The following SLC9B2 variants were observed in gnomAD, a reference collection of about 807,000 sequenced individuals.
SLC9B2 encodes sodium/hydrogen exchanger 9B2.
A neutral mutation model predicts 52.2 loss-of-function variants in SLC9B2; 39 were observed. The ratio of observed to expected loss-of-function variants is 0.75; its 90% CI spans 0.58 to 0.98. The LOEUF (loss-of-function observed/expected upper bound fraction) is 0.98, where lower values mean the gene tolerates loss of function less well. Ranked by LOEUF, SLC9B2 falls within the 50% of genes least tolerant of loss-of-function variation. SLC9B2 has a pLI of 0.00. For synonymous variants in SLC9B2, 214 were observed against 227.0 expected (o/e 0.94, Z 0.51); for missense variants, 626 against 637.5 (o/e 0.98, Z 0.19).
Position 103,047,130 on chromosome 4 carries a change from C to G in SLC9B2, c.810G>C (p.Leu270Phe). 1 of 1,614,022 alleles carries G rather than the reference C, an allele frequency of 6.2e-7. No individual in the cohort carries two copies. Among genetic ancestry groups the G allele is most frequent in the Non-Finnish European group, 8.5e-7 (1 of 1,179,944 alleles). Residue 270 changes from leucine to phenylalanine, a missense_variant, in exon 7 of 12, where the codon TTG (leucine) becomes TTC (phenylalanine). Coordinates refer to ENST00000394785, the MANE Select transcript of SLC9B2 (RefSeq NM_178833.7). ...CATCGAAGCTGCCAGCTGCCATGAGCAAGGTTGGGACACCCTTCTCAACAC... is the reference window on the plus strand; with the variant it reads ...CATCGAAGCTGCCAGCTGCCATGAGGAAGGTTGGGACACCCTTCTCAACAC... Reference protein sequence around the residue: ...GYGVEKGVPTLLMAAGSFDDI... With the variant: ...GYGVEKGVPTFLMAAGSFDDI...
chr4:103,045,056 C>T lies in SLC9B2; in HGVS notation c.890-60G>A. 7.4e-6 allele frequency: 8 copies of T among 1,087,092 alleles called. 1 individual carries two copies. In the South Asian group the frequency reaches 8.1e-5, roughly 11 times the overall value. The allele number at this position is 1,087,092 out of a possible 1,614,324, so 67.3% of individuals were successfully genotyped here. On this transcript the variant is annotated intron_variant, in intron 7 of 11. Coordinates refer to ENST00000394785, the MANE Select transcript of SLC9B2 (RefSeq NM_178833.7). ...ATCCAACAAATACACAGGTTTTATT[C>T]CACAATCATCAACATGAAGCATCTA... is the stretch of plus-strand genomic sequence containing the variant.
chr4:103,043,425 T>A lies in SLC9B2; in HGVS notation c.1017A>T (p.Arg339Ser). The change falls in exon 9 of 12, where the codon AGA becomes AGT. Residue 339 changes from arginine to serine, a missense_variant. Physicochemically the swap from Arg to Ser is moderately radical, Grantham distance 110 (BLOSUM62 -1). Transcript: ENST00000394785. ...SRDQDKLVCK[R>S]TFLVLGLSVL... ...CAGACAACCCCAACACAAGGAATGT[T>A]CTCTTACACACAAGTTTGTCCTTTA... is the stretch of plus-strand genomic sequence containing the variant. 6.2e-7 allele frequency: 1 copy of A among 1,608,576 alleles called. No homozygotes were observed. The highest frequency in any genetic ancestry group is 8.5e-7 in the Non-Finnish European group (1 of 1,178,310).
At chr4:103,071,378 ATTTTTT>A (rs550340712) in intron 1 of SLC9B2, among the ~76,000 whole-genome samples, 1 of 90,274 alleles carries the variant, frequency 1.1e-5, no homozygotes, top group African/African-American at 3.8e-5. Context: ...TAATTTTTGT[ATTTTTT>A]TTTTTTTTTT....
At chr4:103,021,525 A>C (rs1741790193), downstream of SLC9B2, among the ~76,000 whole-genome samples, 1 of 152,230 alleles carries the variant, frequency 6.6e-6, no homozygotes, top group Non-Finnish European at 1.5e-5. Flanking sequence ...CTTTCTTATA[A>C]AAATTAAGTT....
intron 8 of SLC9B2, among the ~76,000 whole-genome samples, chr4:103,043,791 G>A (rs1288251429): frequency 1.3e-5 from 2 of 152,186 alleles, no homozygotes; most frequent in African/African-American, 4.8e-5. Flanking sequence ...GGTGTATGTA[G>A]TAGCCACATT....
chr4:103,027,207 C>G (rs1452434125), intron 11 of SLC9B2, among the ~76,000 whole-genome samples: 2 of 152,110 alleles, frequency 1.3e-5, no homozygotes, highest in South Asian at 4.2e-4. Flanking sequence ...ACATAAAGTT[C>G]TATGTACTAA....
rs1361766683 is a variant in SLC9B2, at chr4:103,025,404, T to C, written c.*966A>G. On this transcript the variant is annotated 3_prime_UTR_variant, in exon 12 of 12. Coordinates refer to ENST00000394785, the MANE Select transcript of SLC9B2 (RefSeq NM_178833.7). Reference sequence around the variant, plus strand: ...TTAAGCCATGTCCTAAGCTAGGGAATGGCAGAGCTTCAGGACAGAAAGACA... The same window carrying C: ...TTAAGCCATGTCCTAAGCTAGGGAACGGCAGAGCTTCAGGACAGAAAGACA... 1 of 152,194 alleles carries C rather than the reference T, an allele frequency of 6.6e-6. No individual in the cohort carries two copies. The highest frequency in any genetic ancestry group is 1.5e-5 in the Non-Finnish European group (1 of 68,026). 9.4% of individuals were successfully genotyped at this position (152,194 alleles called of 1,614,324 possible). A position where few individuals can be genotyped will look rare whatever the true frequency, so the allele number is the denominator to read the frequency against.
downstream of SLC9B2, among the ~76,000 whole-genome samples, chr4:103,022,232 T>C (rs1404960473): frequency 6.6e-6 from 1 of 152,184 alleles, no homozygotes; most frequent in East Asian, 1.9e-4. Flanking sequence ...AGGGAGTAAA[T>C]GGATTTTAAA....
At chr4:103,060,764 T>C (rs769166659) in intron 3 of SLC9B2, among the ~76,000 whole-genome samples, 29 of 152,246 alleles carry the variant, frequency 1.9e-4, no homozygotes, top group Non-Finnish European at 3.1e-4. Flanking sequence ...ACTTCTACCA[T>C]GTACTTAAAA....
chr4:103,061,274 G>GGTGGCACGTGCCTGTA, intron 3 of SLC9B2, among the ~76,000 whole-genome samples: 2 of 152,230 alleles, frequency 1.3e-5, no homozygotes, highest in South Asian at 4.2e-4. Flanking sequence ...GTCCAACAAT[G>GGTGGCACGTGCCTGTA]ATAGACTGGA....
At position 103,058,879 on chromosome 4, in the gene SLC9B2, T is replaced by C. The variant is rs548788421; in HGVS notation, c.272-908A>G. Among the ~76,000 whole-genome samples, 48 of 152,202 alleles carry C rather than the reference T, an allele frequency of 3.2e-4. No individual in the cohort carries two copies. The South Asian group carries it at 9.8e-3, about 31-fold the overall frequency. ...GAGTTCGAAACCAGCCTGAGCAACA[T>C]AGTGAGACCTTGTCTCTACTAAATA... On this transcript the variant is annotated intron_variant, in intron 3 of 11. Coordinates refer to ENST00000394785, the MANE Select transcript of SLC9B2 (RefSeq NM_178833.7).
chr4:103,043,284 A>G lies in SLC9B2; in HGVS notation c.1146+12T>C, dbSNP rs1183572200. The G allele has an allele frequency of 1.3e-6, 2 of 1,592,488 alleles. No individual in the cohort carries two copies. The highest frequency in any genetic ancestry group is 1.7e-6 in the Non-Finnish European group (2 of 1,173,322). ...AAGAGTCATGAGCAGAAAAACTTAA[A>G]ATGAAATTCACCTTTTCGCTGGTCC... On this transcript the variant is annotated intron_variant, in intron 9 of 11. Transcript: ENST00000394785.
chr4:103,076,268 C>G lies in SLC9B2; in HGVS notation c.-127G>C, dbSNP rs1458306339. ...GGGGAGGCGGCGGAGCCCGGTCTAG[C>G]CACCGCGCTCTGGGGTTCCCGATTC... On this transcript the variant is annotated 5_prime_UTR_variant, in exon 1 of 12. Transcript: ENST00000394785. 6.6e-6 allele frequency: 1 copy of G among 152,576 alleles called. No homozygotes were observed. The highest frequency in any genetic ancestry group is 6.5e-5 in the Admixed American group (1 of 15,294). The allele number at this position is 152,576 out of a possible 1,614,324, so 9.5% of individuals were successfully genotyped here.
chr4:103,061,876 A>G (rs1745676895), intron 3 of SLC9B2, among the ~76,000 whole-genome samples: 1 of 152,200 alleles, frequency 6.6e-6, no homozygotes, highest in Non-Finnish European at 1.5e-5. Context: ...CCATACTGCT[A>G]GAGACTGAAT....
At chr4:103,045,022 G>C (rs143335476) in intron 7 of SLC9B2, 26 bp from the exon 8 acceptor site, 5 of 1,505,066 alleles carry the variant, frequency 3.3e-6, no homozygotes, top group Non-Finnish European at 4.6e-6. Context: ...AAAAAACTTA[G>C]AGCTCTAAAT....
chr4:103,026,240 G>C lies in SLC9B2; in HGVS notation c.*130C>G. On this transcript the variant is annotated 3_prime_UTR_variant, in exon 12 of 12. Coordinates refer to ENST00000394785, the MANE Select transcript of SLC9B2 (RefSeq NM_178833.7). ...CATGGAAAGAGCAAGGGCTAAAAATGCTGTTTAAAGAAACAGCTACACTTT... is the reference window on the plus strand; with the variant it reads ...CATGGAAAGAGCAAGGGCTAAAAATCCTGTTTAAAGAAACAGCTACACTTT... 1 of 792,778 alleles carries C rather than the reference G, an allele frequency of 1.3e-6. No individual in the cohort carries two copies. The highest frequency in any genetic ancestry group is 2.0e-5 in the South Asian group (1 of 49,888). 49.1% of individuals were successfully genotyped at this position (792,778 alleles called of 1,614,324 possible).
chr4:103,049,077 G>A (rs1744432027), intron 5 of SLC9B2, 57 bp from the exon 6 acceptor site: 2 of 1,583,334 alleles, frequency 1.3e-6, no homozygotes, highest in Non-Finnish European at 1.7e-6. Context: ...CAGAGAAGAT[G>A]ACCTTGAATG....
chr4:103,046,804 TCTTTCTAC>T (rs1015310831), intron 7 of SLC9B2, among the ~76,000 whole-genome samples: 3 of 152,136 alleles, frequency 2.0e-5, no homozygotes, highest in African/African-American at 7.2e-5. Flanking sequence ...GTTCTTTAAA[TCTTTCTAC>T]CTTCTACCGC....
chr4:103,020,746 C>T (rs1024591333), downstream of SLC9B2, among the ~76,000 whole-genome samples: 2 of 152,118 alleles, frequency 1.3e-5, no homozygotes, highest in Non-Finnish European at 2.9e-5. Flanking sequence ...AAGCGATCCT[C>T]CTGCCTCCTG....
Sources: gnomAD v4.1 joint callset for allele counts (sites outside exome capture counted in the v4.1 genomes callset) on GRCh38, gnomAD v4.1.1 for gene constraint, MANE v1.5 for transcripts, NCBI Gene and HGNC (gene_info 2026-07-23, HGNC 2026-07-21) for gene names.